The following MAP2K1 variants were observed in gnomAD, a reference collection of about 807,000 sequenced individuals.
MAP2K1 encodes mitogen-activated protein kinase kinase 1.
A neutral mutation model predicts 46.3 loss-of-function variants in MAP2K1; 16 were observed. The observed-to-expected ratio is 0.35, with a 90% CI of 0.23 to 0.52. The LOEUF (loss-of-function observed/expected upper bound fraction) is 0.52, where lower values mean the gene tolerates loss of function less well. MAP2K1 is among the 20% of genes least tolerant of loss of function. The pLI is 0.94. For synonymous variants in MAP2K1, 183 were observed against 185.6 expected, an observed-to-expected ratio of 0.99 and a Z score of 0.11; for missense variants, 263 against 497.1, an observed-to-expected ratio of 0.53 and a Z score of 4.48.
intron 6 of MAP2K1, among the ~76,000 whole-genome samples, chr15:66,483,509 A>G (rs564953166): frequency 1.3e-5 from 2 of 152,314 alleles, no homozygotes; most frequent in South Asian, 2.1e-4. Context: ...CAGTTACGAA[A>G]TAGTCCAGTG....
At chr15:66,485,324 C>T (rs1893011841) in intron 7 of MAP2K1, 133 bp downstream of exon 7, 4 of 870,266 alleles carry the variant, frequency 4.6e-6, no homozygotes, top group Non-Finnish European at 5.2e-6. Flanking sequence ...CAGGCTAGGG[C>T]CAGGGGAAGC....
At chr15:66,393,184 T>C (rs975032771) in intron 1 of MAP2K1, among the ~76,000 whole-genome samples, 7 of 147,670 alleles carry the variant, frequency 4.7e-5, no homozygotes, top group South Asian at 2.1e-4. Context: ...CTCTCTCTCT[T>C]TTTTTTTTTT....
chr15:66,435,201 C>A lies in MAP2K1; in HGVS notation c.255C>A (p.Val85=), dbSNP rs1052147663. 1 of 1,614,110 alleles carries A rather than the reference C, an allele frequency of 6.2e-7. No individual in the cohort carries two copies. Among genetic ancestry groups the A allele is most frequent in the East Asian group, 2.2e-5 (1 of 44,884 alleles). ...GCAATGGCGGTGTGGTGTTCAAGGT[C>A]TCCCACAAGCCTTCTGGCCTGGTCA... ...GAGNGGVVFK[V]SHKPSGLVMA... The change falls in exon 2 of 11, where the codon GTC becomes GTA. Residue 85 remains valine, a synonymous_variant. Transcript: ENST00000307102.
chr15:66,484,885 G>A (rs1261291748), intron 6 of MAP2K1, 105 bp from the exon 7 acceptor site: 3 of 993,772 alleles, frequency 3.0e-6, no homozygotes, highest in East Asian at 4.7e-5. Flanking sequence ...TGGAGCTCTT[G>A]AAACAGGATA....
chr15:66,413,911 C>CTTTTTT (rs10649963), intron 1 of MAP2K1, among the ~76,000 whole-genome samples: 12 of 111,530 alleles, frequency 1.1e-4, no homozygotes, highest in Non-Finnish European at 1.4e-4. Flanking sequence ...TCTTCTTCTT[C>CTTTTTT]TTTTTTTTTT....
intron 4 of MAP2K1, 46 bp downstream of exon 4, chr15:66,443,403 T>A (rs2140598584): frequency 8.7e-7 from 1 of 1,147,012 alleles, no homozygotes; most frequent in Non-Finnish European, 1.3e-6. Context: ...CATTGATAAG[T>A]TAATGAGTCG....
At chr15:66,473,574 C>T (rs1408753850) in intron 5 of MAP2K1, among the ~76,000 whole-genome samples, 1 of 152,170 alleles carries the variant, frequency 6.6e-6, no homozygotes, top group African/African-American at 2.4e-5. Flanking sequence ...TTTCCCTTGA[C>T]TGCTCTTCTT....
intron 1 of MAP2K1, chr15:66,415,283 C>A: frequency 2.8e-6 from 1 of 352,706 alleles, no homozygotes. Flanking sequence ...TTGGCGTAAA[C>A]TATCAGGGCC....
intron 1 of MAP2K1, among the ~76,000 whole-genome samples, chr15:66,431,780 G>A (rs1275753740): frequency 6.6e-6 from 1 of 152,138 alleles, no homozygotes; most frequent in African/African-American, 2.4e-5. Flanking sequence ...GTAGTTTTCT[G>A]CACAGATCAT....
intron 10 of MAP2K1, chr15:66,490,286 A>C: frequency 1.5e-6 from 1 of 681,310 alleles, no homozygotes; most frequent in South Asian, 1.5e-5. Context: ...AGTAGGCTCC[A>C]AGAGGTGACT....
intron 5 of MAP2K1, among the ~76,000 whole-genome samples, chr15:66,472,283 G>A (rs540943930): frequency 1.5e-4 from 22 of 145,780 alleles, no homozygotes; most frequent in South Asian, 4.4e-4. Flanking sequence ...CAGCCTGGGC[G>A]ACAGTGTGAG....
At chr15:66,488,495 C>G (rs553442390) in intron 8 of MAP2K1, among the ~76,000 whole-genome samples, 1 of 152,254 alleles carries the variant, frequency 6.6e-6, no homozygotes, top group Admixed American at 6.5e-5. Context: ...AGCTCCCAGC[C>G]CAGGTACATA....
chr15:66,395,535 T>A (rs957481346), intron 1 of MAP2K1, among the ~76,000 whole-genome samples: 1 of 152,032 alleles, frequency 6.6e-6, no homozygotes, highest in Non-Finnish European at 1.5e-5. Context: ...CATGGTTTTT[T>A]TTTTTGTCTG....
chr15:66,486,242 T>G (rs1464538520), intron 7 of MAP2K1, among the ~76,000 whole-genome samples: 1 of 152,178 alleles, frequency 6.6e-6, no homozygotes, highest in Non-Finnish European at 1.5e-5. Context: ...TTTATTGAGA[T>G]ATAGAATTCA....
intron 1 of MAP2K1, among the ~76,000 whole-genome samples, chr15:66,395,579 T>G (rs2093365697): frequency 6.7e-6 from 1 of 149,862 alleles, no homozygotes; most frequent in South Asian, 2.1e-4. Context: ...CATGATTTTT[T>G]TTTTTTTTTT....
At chr15:66,432,055 A>G (rs1457514113) in intron 1 of MAP2K1, among the ~76,000 whole-genome samples, 1 of 152,168 alleles carries the variant, frequency 6.6e-6, no homozygotes, top group Non-Finnish European at 1.5e-5. Flanking sequence ...ATAGTATTCC[A>G]TGATATATAG....
chr15:66,431,817 A>G (rs917953554), intron 1 of MAP2K1, among the ~76,000 whole-genome samples: 2 of 152,148 alleles, frequency 1.3e-5, no homozygotes, highest in Non-Finnish European at 2.9e-5. Flanking sequence ...TAAGGCCAGC[A>G]TCTATTAGCT....
chr15:66,489,395 C>G, intron 9 of MAP2K1, 119 bp downstream of exon 9: 1 of 972,948 alleles, frequency 1.0e-6, no homozygotes, highest in Non-Finnish European at 1.7e-6. Context: ...ACCCTCCCGT[C>G]TGATGATTCT....
intron 1 of MAP2K1, among the ~76,000 whole-genome samples, chr15:66,407,145 T>G (rs915265924): frequency 6.6e-6 from 1 of 152,026 alleles, no homozygotes; most frequent in Admixed American, 6.6e-5. Flanking sequence ...TAGTATAGGG[T>G]CTAACTTCTA....
Sources: allele counts gnomAD v4.1 joint callset (sites outside exome capture counted in the v4.1 genomes callset), GRCh38; gene constraint gnomAD v4.1.1; transcripts MANE v1.5; gene names NCBI Gene and HGNC (gene_info 2026-07-23, HGNC 2026-07-21).